Variants in LVRN observed in about 807,000 individuals in gnomAD.
The protein encoded by LVRN is laeverin, also known as aminopeptidase Q.
A neutral mutation model predicts 111.4 loss-of-function variants in LVRN; 99 were observed. That is an observed-to-expected ratio of 0.89 (90% CI 0.76 to 1.05). LVRN has a LOEUF of 1.05. LVRN is among the 50% of genes least tolerant of loss of function. LVRN has a pLI of 0.00. For missense variants in LVRN, 1,414 were observed against 1,206.8 expected (o/e 1.17, Z -2.54); for synonymous variants, 488 against 449.5 (o/e 1.09, Z -1.08).
chr5:115,978,369 C>T (rs761788248), intron 1 of LVRN, among the ~76,000 whole-genome samples: 1 of 152,158 alleles, frequency 6.6e-6, no homozygotes, highest in Admixed American at 6.6e-5. Context: ...TTTGAAAATA[C>T]GTATAGCTAG....
At chr5:115,990,648 T>G (rs1450594549) in intron 4 of LVRN, among the ~76,000 whole-genome samples, 1 of 152,192 alleles carries the variant, frequency 6.6e-6, no homozygotes, top group East Asian at 1.9e-4. Flanking sequence ...CCCCCCCTAC[T>G]GACACCTCCG....
At chr5:116,008,475 T>G (rs1209826485) in intron 13 of LVRN, among the ~76,000 whole-genome samples, 3 of 152,130 alleles carry the variant, frequency 2.0e-5, no homozygotes, top group Non-Finnish European at 1.5e-5. Flanking sequence ...TTAAGTTTAG[T>G]GAGGAAGGCA....
chr5:116,003,716 G>C (rs1348325718), intron 12 of LVRN, among the ~76,000 whole-genome samples: 1 of 151,918 alleles, frequency 6.6e-6, no homozygotes, highest in Non-Finnish European at 1.5e-5. Context: ...GGAGTAGCTG[G>C]GACTACAGGC....
In LVRN at chr5:115,999,909, G is replaced by T; in HGVS notation, c.1515+7G>T. ...CATATTTACTTACAGCAAGGTAAAA[G>T]CAGTTAGAAATTTCCTTTGGTTTTG... On this transcript the variant is annotated splice_region_variant and intron_variant, in intron 7 of 19. Coordinates refer to ENST00000357872, the MANE Select transcript of LVRN (RefSeq NM_173800.5). The T allele has an allele frequency of 6.2e-7, 1 of 1,602,118 alleles. No homozygotes were observed. Among genetic ancestry groups the T allele is most frequent in the Non-Finnish European group, 8.5e-7 (1 of 1,176,502 alleles).
chr5:115,971,406 T>C (rs185815822), intron 1 of LVRN, among the ~76,000 whole-genome samples: 9 of 152,308 alleles, frequency 5.9e-5, no homozygotes, highest in Admixed American at 2.0e-4. Context: ...AAACATTGTC[T>C]ATCCTAAGCT....
At chr5:115,964,829 T>C (rs1417089584) in intron 1 of LVRN, among the ~76,000 whole-genome samples, 1 of 152,234 alleles carries the variant, frequency 6.6e-6, no homozygotes, top group Non-Finnish European at 1.5e-5. Context: ...CAGATGTTCA[T>C]AAACCAAGGT....
intron 19 of LVRN, among the ~76,000 whole-genome samples, chr5:116,024,081 T>C (rs1055840764): frequency 6.6e-6 from 1 of 152,162 alleles, no homozygotes; most frequent in African/African-American, 2.4e-5. Context: ...AGATCAGTGG[T>C]TTCCTGGGAC....
At chr5:116,000,685 C>A (rs202016498) in intron 9 of LVRN, 27 bp downstream of exon 9, 4 of 1,608,376 alleles carry the variant, frequency 2.5e-6, no homozygotes, top group South Asian at 1.1e-5. Flanking sequence ...CTGACACATT[C>A]TTGCTGAGTT....
At chr5:116,025,915 A>T in intron 19 of LVRN, 63 bp from the exon 20 acceptor site, 1 of 1,590,484 alleles carries the variant, frequency 6.3e-7, no homozygotes, top group South Asian at 1.1e-5. Context: ...TAGCATTTAG[A>T]CATTTACTTT....
intron 1 of LVRN, among the ~76,000 whole-genome samples, chr5:115,972,738 T>A (rs11241343): frequency 6.6e-6 from 1 of 151,820 alleles, no homozygotes; most frequent in Non-Finnish European, 1.5e-5. Context: ...TAAGGTTTTT[T>A]TTGGTAGATT....
intron 2 of LVRN, 33 bp downstream of exon 2, chr5:115,983,462 C>T: frequency 6.4e-7 from 1 of 1,562,532 alleles, no homozygotes; most frequent in Non-Finnish European, 8.6e-7. Context: ...ATCTAGCTGT[C>T]TATCTATATA....
intron 18 of LVRN, among the ~76,000 whole-genome samples, chr5:116,017,979 G>C (rs1037619987): frequency 6.6e-6 from 1 of 152,074 alleles, no homozygotes; most frequent in Non-Finnish European, 1.5e-5. Flanking sequence ...AACATGTTTA[G>C]TCTAGGCATG....
At position 116,003,261 on chromosome 5, in the gene LVRN, G is replaced by T. The variant is rs17138632; in HGVS notation, c.1918G>T (p.Val640Phe). 49,991 of 1,577,260 alleles carry T rather than the reference G, an allele frequency of 0.032. 1,066 individuals carry two copies. The highest frequency in any genetic ancestry group is 0.094 in the Admixed American group (4,878 of 51,866). ...QSSKVFPEMQ[V>F]SDSDHDWVIL... ...TATAGAAGTATTCCCAGAAATGCAA[G>T]TTTCAGATTCTGACCATGACTGGGT... is the stretch of plus-strand genomic sequence containing the variant. Residue 640 changes from valine to phenylalanine, a missense_variant, in exon 12 of 20, where the codon GTT (valine) becomes TTT (phenylalanine). Transcript: ENST00000357872.
chr5:115,990,595 G>A (rs975547679), intron 4 of LVRN, among the ~76,000 whole-genome samples: 4 of 151,802 alleles, frequency 2.6e-5, no homozygotes, highest in Non-Finnish European at 4.4e-5. Flanking sequence ...TTTTTGAGAC[G>A]GCATCTCACT....
rs2112648774 is a variant in LVRN at position 116,022,435 on chromosome 5, GA to G, written c.2803del (p.Thr935ProfsTer2). 6.4e-7 allele frequency: 1 copy of G among 1,563,472 alleles called. No individual in the cohort carries two copies. ...SLINLIYTIG[R>X]TVTTDLQIVE... The stretch of plus-strand genomic sequence containing the variant: ...ATTAATCTAATATATACAATAGGGA[GA>G]ACCGTAACTACAGATTTACAGATTG... On this transcript the variant is annotated frameshift_variant, in exon 19 of 20. Coordinates refer to ENST00000357872, the MANE Select transcript of LVRN (RefSeq NM_173800.5). LOFTEE classifies it low-confidence loss of function (END_TRUNC).
intron 13 of LVRN, among the ~76,000 whole-genome samples, chr5:116,006,976 A>T (rs932649376): frequency 6.6e-6 from 1 of 152,150 alleles, no homozygotes; most frequent in African/African-American, 2.4e-5. Context: ...AACCTCAGAG[A>T]TATCCTTGAT....
chr5:115,992,483 G>A (rs1007302542), intron 5 of LVRN, among the ~76,000 whole-genome samples: 9 of 152,276 alleles, frequency 5.9e-5, no homozygotes, highest in Admixed American at 1.3e-4. Context: ...GGAGGAGACC[G>A]TACAGTTTGG....
intron 18 of LVRN, chr5:116,021,011 C>T (rs1034939221): frequency 5.9e-5 from 9 of 152,182 alleles, no homozygotes; most frequent in Non-Finnish European, 1.0e-4. Context: ...AAAGAGATTG[C>T]TCTCTCAACA....
chr5:115,964,439 C>A (rs542306846), intron 1 of LVRN, among the ~76,000 whole-genome samples: 137 of 152,200 alleles, frequency 9.0e-4, no homozygotes, highest in African/African-American at 3.1e-3. Flanking sequence ...CTTGGTTTTT[C>A]TTTAAAAAAT....
Sources: allele counts gnomAD v4.1 joint callset (sites outside exome capture counted in the v4.1 genomes callset), GRCh38; gene constraint gnomAD v4.1.1; transcripts MANE v1.5; gene names NCBI Gene and HGNC (gene_info 2026-07-23, HGNC 2026-07-21).